Variants in ANKRD30BL observed in about 807,000 individuals in gnomAD.
ANKRD30BL encodes ankyrin repeat domain 30B like.
ANKRD30BL carries 20 observed loss-of-function variants against 18.4 expected under a neutral mutation model. The observed-to-expected ratio is 1.09, with a 90% confidence interval of 0.77 to 1.58. The LOEUF (loss-of-function observed/expected upper bound fraction) is 1.58, where lower values mean the gene tolerates loss of function less well. ANKRD30BL is among the 40% of genes most tolerant of loss of function. The pLI is 0.00. For synonymous variants in ANKRD30BL, 72 were observed against 100.9 expected (o/e 0.71, Z 1.72); for missense variants, 224 against 268.6 (o/e 0.83, Z 1.16).
Position 132,161,938 on chromosome 2 carries a change from T to A in ANKRD30BL, c.-233A>T. The A allele has an allele frequency of 3.8e-6, 2 of 521,506 alleles. No homozygotes were observed. The highest frequency in any genetic ancestry group is 3.3e-5 in the Admixed American group (1 of 30,370). 32.3% of individuals were successfully genotyped at this position (521,506 alleles called of 1,614,324 possible). ...CACCTGAGCAGAACCTTTAGGCAGC[T>A]GAGCAGAACCGTTAGGCAACAGCGC... On this transcript the variant is annotated 5_prime_UTR_variant, in exon 1 of 6. Transcript: ENST00000409867.
chr2:132,149,572 A>C (rs1444002342), intron 5 of ANKRD30BL, among the ~76,000 whole-genome samples: 1 of 152,192 alleles, frequency 6.6e-6, no homozygotes, highest in African/African-American at 2.4e-5. Context: ...AAGTTATGTT[A>C]ATTCTTATTG....
intron 1 of ANKRD30BL, among the ~76,000 whole-genome samples, chr2:132,250,358 C>T (rs79170419): frequency 7.9e-5 from 12 of 152,226 alleles, no homozygotes; most frequent in East Asian, 3.9e-4. Flanking sequence ...GGCCTCAAAG[C>T]GCTCATAAAT....
At chr2:132,188,960 A>G (rs1678788691) in intron 1 of ANKRD30BL, among the ~76,000 whole-genome samples, 1 of 152,216 alleles carries the variant, frequency 6.6e-6, no homozygotes, top group African/African-American at 2.4e-5. Flanking sequence ...GTGATAAGAA[A>G]AAATGAAAAC....
intron 1 of ANKRD30BL, among the ~76,000 whole-genome samples, chr2:132,205,441 A>C (rs967442533): frequency 6.7e-6 from 1 of 150,120 alleles, no homozygotes; most frequent in Non-Finnish European, 1.5e-5. Context: ...ACCTCTACTA[A>C]AAATACAAAA....
intron 1 of ANKRD30BL, among the ~76,000 whole-genome samples, chr2:132,223,199 G>C (rs1250116744): frequency 6.6e-6 from 1 of 152,092 alleles, no homozygotes; most frequent in Non-Finnish European, 1.5e-5. Flanking sequence ...TTTTGATAGA[G>C]CAGTTTTGAA....
rs367999924 is a variant in ANKRD30BL at position 132,215,928 on chromosome 2, A to T, written n.441+41601T>A. Among the ~76,000 whole-genome samples the T allele has an allele frequency of 3.3e-4, 50 of 152,224 alleles. 1 individual carries two copies. In the East Asian group the frequency reaches 8.1e-3, roughly 25 times the overall value. ...TTTTTGTGATGTATGCATTAATCTC[A>T]CAGAGTTGAACCTTTCTTTTGATTG... On this transcript the variant is annotated intron_variant and non_coding_transcript_variant, in intron 1 of 4. Coordinates refer to the ANKRD30BL transcript ENST00000470729.
At chr2:132,166,444 G>A (rs1688189131), upstream of ANKRD30BL, among the ~76,000 whole-genome samples, 1 of 151,648 alleles carries the variant, frequency 6.6e-6, no homozygotes, top group Admixed American at 6.6e-5. Context: ...GGGGTGAGGG[G>A]GGGTTATTAA....
At chr2:132,222,297 G>A (rs967273683) in intron 1 of ANKRD30BL, among the ~76,000 whole-genome samples, 1 of 152,028 alleles carries the variant, frequency 6.6e-6, no homozygotes, top group Non-Finnish European at 1.5e-5. Context: ...GGGAAGTGAG[G>A]AGCCCCTCTG....
At chr2:132,212,709 A>G (rs933253725) in intron 1 of ANKRD30BL, among the ~76,000 whole-genome samples, 3 of 151,892 alleles carry the variant, frequency 2.0e-5, no homozygotes, top group African/African-American at 7.2e-5. Flanking sequence ...ACAGAGTTGA[A>G]CCTTTCTTTT....
At chr2:132,238,043 C>A (rs1274184774) in intron 1 of ANKRD30BL, among the ~76,000 whole-genome samples, 1 of 151,838 alleles carries the variant, frequency 6.6e-6, no homozygotes, top group Admixed American at 6.6e-5. Flanking sequence ...CATTCCGTTT[C>A]ATAGAACAGT....
At chr2:132,253,171 T>C in intron 1 of ANKRD30BL, 2 of 222,938 alleles carry the variant, frequency 9.0e-6, no homozygotes. Context: ...CAGACAGGCA[T>C]AGCCCTGGGA....
At chr2:132,198,120 G>C (rs1679001625) in intron 1 of ANKRD30BL, among the ~76,000 whole-genome samples, 1 of 151,380 alleles carries the variant, frequency 6.6e-6, no homozygotes, top group Admixed American at 6.6e-5. Context: ...ATACACTGAG[G>C]GTGTCTTATT....
At chr2:132,188,387 C>G (rs1183414529) in intron 1 of ANKRD30BL, among the ~76,000 whole-genome samples, 1 of 152,046 alleles carries the variant, frequency 6.6e-6, no homozygotes, top group Non-Finnish European at 1.5e-5. Context: ...CATTAGAAAG[C>G]GAGTAAGGAA....
chr2:132,171,209 G>A (rs954105204), intron 1 of ANKRD30BL, among the ~76,000 whole-genome samples: 28 of 151,744 alleles, frequency 1.8e-4, no homozygotes, highest in African/African-American at 6.8e-4. Context: ...ATAAGGAACT[G>A]AGTTAGTTAT....
chr2:132,195,866 G>A (rs1425659080), intron 1 of ANKRD30BL, among the ~76,000 whole-genome samples: 1 of 151,072 alleles, frequency 6.6e-6, no homozygotes, highest in South Asian at 2.1e-4. Context: ...CAGACGTCGA[G>A]TGTGGTGGCT....
chr2:132,233,387 T>G (rs1167258240), intron 1 of ANKRD30BL, among the ~76,000 whole-genome samples: 1 of 142,878 alleles, frequency 7.0e-6, no homozygotes, highest in East Asian at 2.1e-4. Context: ...AGACACAGAC[T>G]GGCAAATTGG....
chr2:132,185,267 C>A (rs187735243), intron 1 of ANKRD30BL, among the ~76,000 whole-genome samples: 1 of 152,274 alleles, frequency 6.6e-6, no homozygotes, highest in African/African-American at 2.4e-5. Flanking sequence ...CCGGCTCAAT[C>A]GGCTCCACTT....
At chr2:132,215,897 GAA>G (rs1392730454) in intron 1 of ANKRD30BL, among the ~76,000 whole-genome samples, 2 of 151,574 alleles carry the variant, frequency 1.3e-5, no homozygotes, top group Non-Finnish European at 2.9e-5. Context: ...AGCATTCTGA[GAA>G]AGTTTTTTGT....
At chr2:132,164,276 T>TTTTTC (rs1688147265), upstream of ANKRD30BL, among the ~76,000 whole-genome samples, 1 of 76,348 alleles carries the variant, frequency 1.3e-5, no homozygotes, top group Non-Finnish European at 3.0e-5. Context: ...TTTCTTTTTT[T>TTTTTC]TTTTTTTTTT....
Sources: allele counts gnomAD v4.1 joint callset (sites outside exome capture counted in the v4.1 genomes callset), GRCh38; gene constraint gnomAD v4.1.1; transcripts MANE v1.5; gene names NCBI Gene and HGNC (gene_info 2026-07-23, HGNC 2026-07-21).